MRPS31: variants seen among roughly 807,000 people sequenced by gnomAD.
MRPS31 encodes the protein mitochondrial ribosomal protein S31.
A neutral mutation model predicts 43.1 loss-of-function variants in MRPS31; 32 were observed. The observed-to-expected ratio is 0.74, with a 90% CI of 0.56 to 1.00. The LOEUF (loss-of-function observed/expected upper bound fraction) is 1.00, where lower values mean the gene tolerates loss of function less well. Among genes scored for constraint, MRPS31 ranks in the 50% least tolerant of loss-of-function variants. The probability of loss-of-function intolerance (pLI) is 0.00; values close to 1 mark genes in which losing one functional copy is unlikely to be tolerated. For missense variants in MRPS31, 437 were observed against 466.7 expected, an observed-to-expected ratio of 0.94 and a Z score of 0.59; for synonymous variants, 165 against 161.6, an observed-to-expected ratio of 1.02 and a Z score of -0.16.
At position 40,749,218 on chromosome 13, in the gene MRPS31, G is replaced by A; in HGVS notation, c.878C>T (p.Pro293Leu). The A allele has an allele frequency of 6.3e-7, 1 of 1,599,996 alleles. No homozygotes were observed. The highest frequency in any genetic ancestry group is 1.1e-5 in the South Asian group (1 of 88,280). The change falls in exon 6 of 7, where the codon CCC becomes CTC. Residue 293 changes from proline (P) to leucine (L), a missense_variant. Transcript: ENST00000323563. The stretch of plus-strand genomic sequence containing the variant: ...CAGCTCTTCAAATCCATTCTGAAGG[G>A]GTTGTTCATTTACTGTGGCTAACTG... The part of the protein sequence containing the change: ...AKQLATVNEQ[P>L]LQNGFEELIQ...
At chr13:40,755,055 A>G (rs1880493770) in intron 4 of MRPS31, among the ~76,000 whole-genome samples, 1 of 152,238 alleles carries the variant, frequency 6.6e-6, no homozygotes, top group Non-Finnish European at 1.5e-5. Context: ...AAAAAATAAT[A>G]AACTGGAGGG....
intron 1 of MRPS31, among the ~76,000 whole-genome samples, chr13:40,769,383 T>C (rs79122249): frequency 0.15 from 6,745 of 44,818 alleles, 832 homozygotes; most frequent in East Asian, 0.44. Flanking sequence ...CATATATATA[T>C]ATATATATAT....
In MRPS31 at chr13:40,766,729, A is replaced by T; in HGVS notation, c.440+17T>A. 1 of 1,563,986 alleles carries T rather than the reference A, an allele frequency of 6.4e-7. No homozygotes were observed. Among genetic ancestry groups the T allele is most frequent in the Non-Finnish European group, 8.6e-7 (1 of 1,158,428 alleles). On this transcript the variant is annotated intron_variant, in intron 2 of 6. Coordinates refer to ENST00000323563, the MANE Select transcript of MRPS31 (RefSeq NM_005830.4). Reference sequence around the variant, plus strand: ...TACTGGAGTTTCAAACAACATCTGAATTACAATTAAATTTACCTCTTCTTT... The same window carrying T: ...TACTGGAGTTTCAAACAACATCTGATTTACAATTAAATTTACCTCTTCTTT...
chr13:40,738,165 C>T (rs1269225085), intron 6 of MRPS31, among the ~76,000 whole-genome samples: 7 of 151,860 alleles, frequency 4.6e-5, no homozygotes, highest in East Asian at 1.9e-4. Context: ...AACACCTCTA[C>T]GCAAATAAAC....
intron 2 of MRPS31, among the ~76,000 whole-genome samples, chr13:40,760,759 T>C (rs532949916): frequency 6.6e-6 from 1 of 152,018 alleles, no homozygotes; most frequent in African/African-American, 2.4e-5. Flanking sequence ...ACTGCCACCA[T>C]GCTTGGCTAT....
At chr13:40,755,663 A>C (rs1424580428) in intron 4 of MRPS31, among the ~76,000 whole-genome samples, 1 of 152,206 alleles carries the variant, frequency 6.6e-6, no homozygotes, top group Non-Finnish European at 1.5e-5. Context: ...ATCCTGCCCC[A>C]GTCATAGCAG....
At chr13:40,744,406 TGA>T (rs1880183495) in intron 6 of MRPS31, among the ~76,000 whole-genome samples, 2 of 152,116 alleles carry the variant, frequency 1.3e-5, no homozygotes, top group Admixed American at 6.6e-5. Context: ...CACAAATAAA[TGA>T]GAGTTTTAAA....
intron 2 of MRPS31, among the ~76,000 whole-genome samples, chr13:40,760,131 T>G (rs1880650466): frequency 1.0e-5 from 1 of 99,164 alleles, no homozygotes. Flanking sequence ...AACTAGACTC[T>G]GTCAAAAAAA....
chr13:40,770,232 T>C (rs1028098947), intron 1 of MRPS31, among the ~76,000 whole-genome samples: 2 of 152,226 alleles, frequency 1.3e-5, no homozygotes, highest in Admixed American at 6.5e-5. Context: ...TCTTCACTGC[T>C]ACTAACCTGC....
At position 40,758,839 on chromosome 13, in the gene MRPS31, T is replaced by C. The variant is rs182764525; in HGVS notation, c.599+109A>G. 7.1e-5 allele frequency: 74 copies of C among 1,047,586 alleles called. 2 individuals are homozygous for C. The East Asian group carries it at 1.7e-3, about 24-fold the overall frequency. The allele number at this position is 1,047,586 out of a possible 1,614,324, so 64.9% of individuals were successfully genotyped here. Reference sequence around the variant, plus strand: ...CTAAAATTATGTGGTATATTTTATATACAAATTCCACTTACGTGGTATATA... The same window carrying C: ...CTAAAATTATGTGGTATATTTTATACACAAATTCCACTTACGTGGTATATA... On this transcript the variant is annotated intron_variant, in intron 3 of 6. Transcript: ENST00000323563.
At chr13:40,747,819 G>A (rs1484678401) in intron 6 of MRPS31, among the ~76,000 whole-genome samples, 1 of 152,098 alleles carries the variant, frequency 6.6e-6, no homozygotes, top group Non-Finnish European at 1.5e-5. Flanking sequence ...CTCCAGCCTG[G>A]ATGACACAGC....
At chr13:40,758,538 G>C (rs892193723) in intron 3 of MRPS31, among the ~76,000 whole-genome samples, 14 of 152,178 alleles carry the variant, frequency 9.2e-5, no homozygotes, top group African/African-American at 3.4e-4. Context: ...TAAGTGGAAT[G>C]ATGTCAGATG....
At chr13:40,759,957 T>C (rs939649700) in intron 2 of MRPS31, among the ~76,000 whole-genome samples, 4 of 151,612 alleles carry the variant, frequency 2.6e-5, no homozygotes, top group Admixed American at 1.3e-4. Context: ...GTGAAAGAAG[T>C]TGGACACAAA....
At chr13:40,750,793 A>G (rs908817326) in intron 5 of MRPS31, among the ~76,000 whole-genome samples, 1 of 145,710 alleles carries the variant, frequency 6.9e-6, no homozygotes, top group South Asian at 2.1e-4. Context: ...ATGTATCACA[A>G]TCCCTTACTA....
At chr13:40,762,323 G>A (rs1880721239) in intron 2 of MRPS31, among the ~76,000 whole-genome samples, 1 of 152,210 alleles carries the variant, frequency 6.6e-6, no homozygotes, top group Admixed American at 6.5e-5. Flanking sequence ...CTCTATGCCT[G>A]AAAAGGAATT....
rs373059476 is a variant in MRPS31, at chr13:40,738,342, T to C, written c.959-8741A>G. 4.3e-3 allele frequency among the ~76,000 whole-genome samples: 649 copies of C among 152,184 alleles called. 4 individuals carry two copies. Among genetic ancestry groups the C allele is most frequent in the African/African-American group, 0.014 (601 of 41,492 alleles). On this transcript the variant is annotated intron_variant, in intron 6 of 6. Coordinates refer to ENST00000323563, the MANE Select transcript of MRPS31 (RefSeq NM_005830.4). ...GTCCAGGACCAGATGGATTCACAGC[T>C]GAATTCTACCAGAGGTACAAGGAGG...
intron 2 of MRPS31, among the ~76,000 whole-genome samples, chr13:40,762,782 TTGTG>T (rs60906711): frequency 0.021 from 2,761 of 129,848 alleles, 39 homozygotes; most frequent in Admixed American, 0.035. Flanking sequence ...AGTATAGACA[TTGTG>T]TGTGTGTGTG....
At chr13:40,753,165 C>T (rs61963353) in intron 5 of MRPS31, among the ~76,000 whole-genome samples, 20,599 of 152,210 alleles carry the variant, frequency 0.14, 1,819 homozygotes, top group South Asian at 0.27. Flanking sequence ...CTCTTTTAGA[C>T]TTAAAATGGC....
chr13:40,746,525 A>G (rs1223796133), intron 6 of MRPS31, among the ~76,000 whole-genome samples: 1 of 152,110 alleles, frequency 6.6e-6, no homozygotes, highest in Non-Finnish European at 1.5e-5. Context: ...CAACCTGACC[A>G]AAAAAACATG....
Sources: gnomAD v4.1 joint callset for allele counts (sites outside exome capture counted in the v4.1 genomes callset) on GRCh38, gnomAD v4.1.1 for gene constraint, MANE v1.5 for transcripts, NCBI Gene and HGNC (gene_info 2026-07-23, HGNC 2026-07-21) for gene names.